The following IGSF1 variants were observed in gnomAD, a reference collection of about 807,000 sequenced individuals.
IGSF1 encodes the protein immunoglobulin superfamily member 1.
IGSF1 carries 40 observed loss-of-function variants against 95.3 expected under a neutral mutation model. That is an observed-to-expected ratio of 0.42 (90% CI 0.33 to 0.55). The LOEUF is 0.55. IGSF1 is among the 20% of genes least tolerant of loss of function. The pLI, the probability that IGSF1 is intolerant of heterozygous loss-of-function variation, is 0.10. For missense variants in IGSF1, 906 were observed against 1,025.4 expected (o/e 0.88, Z 1.59); for synonymous variants, 372 against 382.9 (o/e 0.97, Z 0.33).
At position 131,283,072 on chromosome X, in the gene IGSF1, T is replaced by A; in HGVS notation, c.860A>T (p.Lys287Met). 8.3e-7 allele frequency: 1 copy of A among 1,206,383 alleles called. No individual in the cohort carries two copies. Among genetic ancestry groups the A allele is most frequent in the Non-Finnish European group, 1.1e-6 (1 of 890,191 alleles). ...NEANFFFQSL[K>M]IQDTGHYLCF... ...GAGGTAATGTCCAGTATCTTGGATC[T>A]TCAAAGACTGGAAGAAGAAATTTGC... The change falls in exon 6 of 20, where the codon AAG (lysine) becomes ATG (methionine). Residue 287 changes from lysine (K) to methionine (M), a missense_variant. Lys to Met is a moderately conservative substitution (Grantham distance 95). Coordinates refer to ENST00000361420, the MANE Select transcript of IGSF1 (RefSeq NM_001555.5).
Position 131,275,068 on chromosome X carries a change from C to T in IGSF1, c.3403G>A (p.Val1135Ile). The T allele has an allele frequency of 1.7e-6, 2 of 1,210,869 alleles. No individual in the cohort carries two copies. The highest frequency in any genetic ancestry group is 1.1e-6 in the Non-Finnish European group (1 of 894,651). ...AAGGGAGTAGAGTCCAAATAATAAACACAGCTATAGATCCCAGAGTCTTCA... is the reference window on the plus strand; with the variant it reads ...AAGGGAGTAGAGTCCAAATAATAAATACAGCTATAGATCCCAGAGTCTTCA... ...RGEDSGIYSC[V>I]YYLDSTPFAA... Residue 1135 changes from valine (V) to isoleucine (I), a missense_variant, in exon 17 of 20, where the codon GTT becomes ATT. Physicochemically the swap from Val to Ile is conservative, Grantham distance 29 (BLOSUM62 3). Coordinates refer to ENST00000361420, the MANE Select transcript of IGSF1 (RefSeq NM_001555.5).
rs1489007273 is a variant in IGSF1 at position 131,273,585 on chromosome X, T to C, written c.*211A>G. The C allele has an allele frequency of 4.9e-6, 2 of 411,890 alleles. No homozygotes were observed. The highest frequency in any genetic ancestry group is 8.5e-6 in the Non-Finnish European group (2 of 235,698). 33.9% of individuals were successfully genotyped at this position (411,890 alleles called of 1,213,427 possible). On this transcript the variant is annotated 3_prime_UTR_variant, in exon 20 of 20. Transcript: ENST00000361420. The stretch of plus-strand genomic sequence containing the variant: ...AGAATTTCATGCGCCAGTAAATCAG[T>C]ACAGTGAGGAGTTACAGGGGTGGGG...
chrX:131,285,847 T>C lies in IGSF1; in HGVS notation c.299A>G (p.Asn100Ser), dbSNP rs190917856. ...SFLIGALTES[N>S]AGLYRCCYWK... ...GTAGCAGCACCGGTAAAGACCTGCA[T>C]TGGACTCAGTAAGGGCACCTATAAG... is the stretch of plus-strand genomic sequence containing the variant. The change falls in exon 4 of 20, where the codon AAT (asparagine) becomes AGT (serine). Residue 100 changes from asparagine to serine, a missense_variant. Transcript: ENST00000361420. 282 of 1,208,823 alleles carry C rather than the reference T, an allele frequency of 2.3e-4. No homozygotes were observed. The highest frequency in any genetic ancestry group is 4.8e-4 in the Admixed American group (22 of 45,751).
intron 5 of IGSF1, chrX:131,284,161 C>G (rs1208800704): frequency 1.2e-5 from 7 of 600,132 alleles, no homozygotes; most frequent in Non-Finnish European, 1.4e-5. Context: ...GCTATACTAA[C>G]AAAATTAATA....
At chrX:131,279,436 A>G (rs978132182) in intron 9 of IGSF1, 95 bp from the exon 10 acceptor site, 1 of 673,207 alleles carries the variant, frequency 1.5e-6, no homozygotes, top group Non-Finnish European at 2.4e-6. Flanking sequence ...CTTACTCGCT[A>G]CCCAATGGGG....
rs776147631 is a variant in IGSF1 at position 131,274,824 on chromosome X, C to G, written c.3526G>C (p.Gly1176Arg). 2.5e-6 allele frequency: 3 copies of G among 1,209,798 alleles called. No homozygotes were observed. Among genetic ancestry groups the G allele is most frequent in the Non-Finnish European group, 2.2e-6 (2 of 894,889 alleles). ...CGGCACTGAAGGGTGATGTCCTTCC[C>G]TAACTTGAACATGGTGCTGGGCCAG... ...SAWPSTMFKL[G>R]KDITLQCRGP... Residue 1176 changes from glycine to arginine, a missense_variant, in exon 18 of 20, where the codon GGG (glycine) becomes CGG (arginine). This residue lies in a region of IGSF1 where 411 missense variants were observed against 494.9 expected (regional missense o/e 0.83). Coordinates refer to ENST00000361420, the MANE Select transcript of IGSF1 (RefSeq NM_001555.5).
chrX:131,276,270 C>G (rs917112001), intron 14 of IGSF1, 22 bp from the exon 15 acceptor site: 5 of 1,177,098 alleles, frequency 4.2e-6, no homozygotes, highest in African/African-American at 3.6e-5. Flanking sequence ...GAGACCACAG[C>G]ATGAGATAAA....
rs1406415169 is a variant in IGSF1 at position 131,275,126 on chromosome X, G to A, written c.3345C>T (p.Tyr1115=). ...EPLEQQRPSG[Y]RADFWMPAVR... is the part of the protein sequence containing the mutation. Reference sequence around the variant, plus strand: ...CTGCTGGCATCCAGAAGTCAGCCCTGTACCCACTTGGCCTCTGTTGCTCTA... The same window carrying A: ...CTGCTGGCATCCAGAAGTCAGCCCTATACCCACTTGGCCTCTGTTGCTCTA... The change falls in exon 17 of 20, where the codon TAC becomes TAT. Residue 1115 remains tyrosine (Y), a synonymous_variant. Transcript: ENST00000361420. 1 of 1,209,675 alleles carries A rather than the reference G, an allele frequency of 8.3e-7. No homozygotes were observed. The highest frequency in any genetic ancestry group is 2.2e-5 in the Admixed American group (1 of 45,781).
intron 1 of IGSF1, among the ~76,000 whole-genome samples, chrX:131,288,828 T>G (rs1398520900): frequency 9.9e-6 from 1 of 100,538 alleles, no homozygotes; most frequent in Non-Finnish European, 2.0e-5. Flanking sequence ...TTCCCCACCC[T>G]TAGGCAGCGC....
chrX:131,288,454 T>C (rs960510106), intron 1 of IGSF1, among the ~76,000 whole-genome samples: 1 of 109,675 alleles, frequency 9.1e-6, no homozygotes, highest in African/African-American at 3.3e-5. Flanking sequence ...GGGCCAGGAG[T>C]TTTTGGGGGA....
Position 131,276,149 on chromosome X carries a change from C to G in IGSF1, c.2708G>C (p.Arg903Thr), listed in dbSNP as rs187480172. 8.3e-7 allele frequency: 1 copy of G among 1,209,224 alleles called. No individual in the cohort carries two copies. The highest frequency in any genetic ancestry group is 2.2e-5 in the Admixed American group (1 of 45,667). Residue 903 changes from arginine to threonine, a missense_variant, in exon 15 of 20, where the codon AGG becomes ACG. Transcript: ENST00000361420. ...GGCTCCCTCCTGCAAGAGGGCGAAC[C>G]TCATGCCCTGGAAAGTCCCTTGGCA... is the stretch of plus-strand genomic sequence containing the variant. ...LRCQGTFQGM[R>T]FALLQEGAHV... is the part of the protein sequence containing the mutation.
Position 131,273,783 on chromosome X carries a change from A to G in IGSF1, c.*13T>C. 1 of 1,201,293 alleles carries G rather than the reference A, an allele frequency of 8.3e-7. No homozygotes were observed. The highest frequency in any genetic ancestry group is 1.1e-6 in the Non-Finnish European group (1 of 889,566). On this transcript the variant is annotated 3_prime_UTR_variant, in exon 20 of 20. Coordinates refer to ENST00000361420, the MANE Select transcript of IGSF1 (RefSeq NM_001555.5). ...GAGAGAGGAGAGGAAAGCTCTTGTA[A>G]AGGAGGAGATTATTATATTGGAACG...
Position 131,285,999 on chromosome X carries a change from G to A in IGSF1, c.147C>T (p.Ala49=), listed in dbSNP as rs1161715616. ...ELWIESNYPQ[A]PWENITLWCR... ...ACCAAAGCGTGATGTTCTCCCAAGG[G>A]GCCTGGGGGTAGTTGGACTCTATCC... The change falls in exon 4 of 20, where the codon GCC becomes GCT. Residue 49 remains alanine, a synonymous_variant. Transcript: ENST00000361420. 8.3e-7 allele frequency: 1 copy of A among 1,207,253 alleles called. No homozygotes were observed. The highest frequency in any genetic ancestry group is 1.1e-6 in the Non-Finnish European group (1 of 893,455).
chrX:131,277,878 C>G lies in IGSF1; in HGVS notation c.2298G>C (p.Glu766Asp). Residue 766 changes from glutamate (E) to aspartate (D), a missense_variant, in exon 13 of 20, where the codon GAG (glutamate) becomes GAC (aspartate). By Grantham distance (45) the Glu-to-Asp change is conservative. Transcript: ENST00000361420. ...TACCTTTTATGACAAGCTCCAGCGG[C>G]TCACTGGGCTCAGACCACTTGAAGG... ...KRPFKWSEPSEPLELVIKEMY... is the reference protein window; with the variant it reads ...KRPFKWSEPSDPLELVIKEMY... The G allele has an allele frequency of 1.7e-6, 2 of 1,209,758 alleles. No individual in the cohort carries two copies. Among genetic ancestry groups the G allele is most frequent in the Non-Finnish European group, 2.2e-6 (2 of 894,834 alleles).
chrX:131,286,069 A>G (rs769071494), intron 3 of IGSF1, 21 bp from the exon 4 acceptor site: 2 of 1,169,135 alleles, frequency 1.7e-6, no homozygotes, highest in East Asian at 6.0e-5. Flanking sequence ...CAAAGATCAA[A>G]AAGATATGAG....
chrX:131,282,403 A>C, intron 7 of IGSF1, 41 bp downstream of exon 7: 1 of 1,127,543 alleles, frequency 8.9e-7, no homozygotes, highest in Non-Finnish European at 1.2e-6. Context: ...ATGATGATAA[A>C]AACAAACAGG....
chrX:131,276,306 C>CT, intron 14 of IGSF1, 58 bp from the exon 15 acceptor site: 1 of 990,726 alleles, frequency 1.0e-6, no homozygotes. Flanking sequence ...CTGCAAATAG[C>CT]CTTTTAAAGT....
rs1419075113 is a variant in IGSF1 at position 131,286,459 on chromosome X, C to G, written c.75G>C (p.Met25Ile). ...TFTVLLFCIRMSLGMTSIVMD... is the reference protein window; with the variant it reads ...TFTVLLFCIRISLGMTSIVMD... ...TACCTATTGATGTCATACCCAGACTCATCCCTGAAAAGAGAGATTATGGTA... is the reference window on the plus strand; with the variant it reads ...TACCTATTGATGTCATACCCAGACTGATCCCTGAAAAGAGAGATTATGGTA... Residue 25 changes from methionine (M) to isoleucine (I), a missense_variant, in exon 3 of 20, where the codon ATG becomes ATC. Transcript: ENST00000361420. 1.7e-6 allele frequency: 2 copies of G among 1,204,080 alleles called. No individual in the cohort carries two copies. Among genetic ancestry groups the G allele is most frequent in the East Asian group, 3.0e-5 (1 of 33,795 alleles).
intron 13 of IGSF1, 79 bp from the exon 14 acceptor site, chrX:131,277,305 G>C: frequency 9.2e-6 from 8 of 867,402 alleles, no homozygotes; most frequent in Non-Finnish European, 1.3e-5. Flanking sequence ...AAGAGAGAAA[G>C]CAAATATAGC....
Sources: allele counts gnomAD v4.1 joint callset (sites outside exome capture counted in the v4.1 genomes callset), GRCh38; gene constraint gnomAD v4.1.1; regional missense constraint gnomAD v4.1.1; transcripts MANE v1.5; gene names NCBI Gene and HGNC (gene_info 2026-07-23, HGNC 2026-07-21).